Variants in ODAD2 observed in about 807,000 individuals in gnomAD.
ODAD2 encodes the protein outer dynein arm docking complex subunit 2.
In ODAD2, 89 loss-of-function variants were observed where a neutral mutation model predicts 106.8. The observed-to-expected ratio is 0.83, with a 90% CI of 0.70 to 0.99. ODAD2 has a LOEUF of 0.99. ODAD2 is among the 50% of genes least tolerant of loss of function. The probability of loss-of-function intolerance (pLI) is 0.00; values close to 1 mark genes in which losing one functional copy is unlikely to be tolerated. For synonymous variants in ODAD2, 404 were observed against 436.2 expected (o/e 0.93, Z 0.92); for missense variants, 1,168 against 1,238.5 (o/e 0.94, Z 0.85).
intron 19 of ODAD2, among the ~76,000 whole-genome samples, chr10:27,844,057 G>T (rs934210471): frequency 6.6e-6 from 1 of 152,052 alleles, no homozygotes; most frequent in Non-Finnish European, 1.5e-5. Flanking sequence ...AATTAGCCAG[G>T]TATGCTGACA....
At chr10:27,978,791 C>CA (rs1340619179) in intron 7 of ODAD2, among the ~76,000 whole-genome samples, 1 of 151,336 alleles carries the variant, frequency 6.6e-6, no homozygotes, top group Non-Finnish European at 1.5e-5. Context: ...GACTCCATCT[C>CA]AAAAAAAGAA....
chr10:27,843,504 G>A (rs1385841944), intron 19 of ODAD2, among the ~76,000 whole-genome samples: 4 of 152,242 alleles, frequency 2.6e-5, no homozygotes, highest in Middle Eastern at 3.4e-3. Context: ...GGTGGCTCAC[G>A]CCTGTAATTC....
intron 19 of ODAD2, among the ~76,000 whole-genome samples, chr10:27,816,007 C>T (rs1247794194): frequency 6.6e-6 from 1 of 152,130 alleles, no homozygotes; most frequent in African/African-American, 2.4e-5. Context: ...TAGATGTTAT[C>T]ACTTAGTTGT....
chr10:27,948,779 A>ATT (rs11451204), intron 10 of ODAD2, among the ~76,000 whole-genome samples: 12,186 of 40,362 alleles, frequency 0.3, 2,929 homozygotes, highest in Non-Finnish European at 0.38. Flanking sequence ...TGGCCTTTGG[A>ATT]TTTTTTTTTT....
In ODAD2 at chr10:27,984,581, C is replaced by T. The variant is rs77996705; in HGVS notation, c.576-291G>A. On this transcript the variant is annotated intron_variant, in intron 4 of 19. Transcript: ENST00000305242. ...CATGCTTTGGACTATACAAACTCTA[C>T]ATGATATCTGCATTATAATTTAATA... Among the ~76,000 whole-genome samples the T allele has an allele frequency of 0.01, 1,598 of 152,256 alleles. 36 individuals carry two copies. Among genetic ancestry groups the T allele is most frequent in the East Asian group, 0.038 (197 of 5,182 alleles).
chr10:27,907,874 A>G, intron 16 of ODAD2, 97 bp from the exon 17 acceptor site: 1 of 864,186 alleles, frequency 1.2e-6, no homozygotes, highest in Non-Finnish European at 1.8e-6. Context: ...TCTCCTTTTG[A>G]TATTTTGCTT....
chr10:27,906,004 A>C (rs577988942), intron 17 of ODAD2, among the ~76,000 whole-genome samples: 1 of 152,348 alleles, frequency 6.6e-6, no homozygotes, highest in Admixed American at 6.5e-5. Context: ...AACAAAAGCC[A>C]GAATTGACAA....
At chr10:27,997,576 T>C (rs757473859) in intron 1 of ODAD2, 4 of 152,198 alleles carry the variant, frequency 2.6e-5, no homozygotes, top group Non-Finnish European at 5.9e-5. Flanking sequence ...TTGACAGAAA[T>C]GTAACATTTG....
chr10:27,882,213 G>GAAAGAA (rs1431646150), intron 17 of ODAD2, among the ~76,000 whole-genome samples: 1 of 151,064 alleles, frequency 6.6e-6, no homozygotes, highest in Non-Finnish European at 1.5e-5. Flanking sequence ...AAGAAAGAAA[G>GAAAGAA]AAAGAAAGAA....
chr10:27,926,688 A>G (rs1336719644), intron 16 of ODAD2, among the ~76,000 whole-genome samples: 1 of 152,144 alleles, frequency 6.6e-6, no homozygotes, highest in Admixed American at 6.6e-5. Context: ...TTAGCAGAAA[A>G]TTTTTTACAA....
chr10:27,920,742 G>A (rs1216130641), intron 16 of ODAD2, among the ~76,000 whole-genome samples: 2 of 152,024 alleles, frequency 1.3e-5, no homozygotes, highest in African/African-American at 4.8e-5. Flanking sequence ...GACTTGTTCT[G>A]TGGCAAAAGA....
upstream of ODAD2, among the ~76,000 whole-genome samples, chr10:27,999,512 G>A (rs1588685631): frequency 6.6e-6 from 1 of 152,084 alleles, no homozygotes; most frequent in East Asian, 1.9e-4. Context: ...CTCTTCAATA[G>A]GGCAGAGGAT....
rs1210170456 is a variant in ODAD2 at position 27,907,748 on chromosome 10, A to G, written c.2525T>C (p.Leu842Ser). Reference sequence around the variant, plus strand: ...AGGATTTTTCAGCAGGGACCACAACAAACGAACTCCATCTAAGCGATCAAT... The same window carrying G: ...AGGATTTTTCAGCAGGGACCACAACGAACGAACTCCATCTAAGCGATCAAT... ...MIIDRLDGVR[L>S]LWSLLKNPHP... is the part of the protein sequence containing the mutation. Residue 842 changes from leucine to serine, a missense_variant, in exon 17 of 20, where the codon TTG becomes TCG. Physicochemically the swap from Leu to Ser is moderately radical, Grantham distance 145. This residue lies in a region of ODAD2 where 701 missense variants were observed against 712.3 expected (regional missense o/e 0.98). Coordinates refer to ENST00000305242, the MANE Select transcript of ODAD2 (RefSeq NM_018076.5). 2 of 1,613,688 alleles carry G rather than the reference A, an allele frequency of 1.2e-6. No homozygotes were observed. Among genetic ancestry groups the G allele is most frequent in the Non-Finnish European group, 1.7e-6 (2 of 1,179,816 alleles).
chr10:27,931,124 A>G (rs1845589088), intron 16 of ODAD2, among the ~76,000 whole-genome samples: 2 of 152,110 alleles, frequency 1.3e-5, no homozygotes, highest in Non-Finnish European at 2.9e-5. Flanking sequence ...CTCTTAAAAA[A>G]AAAGAAAGAA....
chr10:27,972,320 TC>T (rs1285231651), intron 7 of ODAD2, among the ~76,000 whole-genome samples: 3 of 151,850 alleles, frequency 2.0e-5, no homozygotes, highest in African/African-American at 7.3e-5. Context: ...TAAAATGGAA[TC>T]ATTTTAAAAA....
intron 17 of ODAD2, among the ~76,000 whole-genome samples, chr10:27,900,376 G>T (rs139152212): frequency 2.4e-4 from 37 of 152,254 alleles, no homozygotes; most frequent in Non-Finnish European, 3.1e-4. Context: ...AGCACAAAAA[G>T]GCTGAAAATT....
intron 10 of ODAD2, among the ~76,000 whole-genome samples, chr10:27,952,074 C>CAAAAAAAAAAAAAA (rs71388944): frequency 0.022 from 974 of 43,792 alleles, 117 homozygotes; most frequent in Non-Finnish European, 0.037. Context: ...GATGCCAACT[C>CAAAAAAAAAAAAAA]AAAAAAAAAA....
At chr10:27,990,254 T>C (rs1033106404) in intron 2 of ODAD2, among the ~76,000 whole-genome samples, 5 of 152,120 alleles carry the variant, frequency 3.3e-5, no homozygotes, top group Non-Finnish European at 5.9e-5. Flanking sequence ...CTCAAGGGAT[T>C]CTTCTCCCTC....
intron 10 of ODAD2, among the ~76,000 whole-genome samples, chr10:27,960,526 T>A (rs1848062581): frequency 1.3e-5 from 2 of 151,682 alleles, no homozygotes; most frequent in African/African-American, 4.8e-5. Context: ...TTTTTTGTAT[T>A]TTTAGTAGAG....
Sources: gnomAD v4.1 joint callset for allele counts (sites outside exome capture counted in the v4.1 genomes callset) on GRCh38, gnomAD v4.1.1 for gene constraint, gnomAD v4.1.1 regional missense constraint, MANE v1.5 for transcripts, NCBI Gene and HGNC (gene_info 2026-07-23, HGNC 2026-07-21) for gene names.